Variants in TTC7A observed in about 807,000 individuals in gnomAD.
TTC7A encodes tetratricopeptide repeat protein 7A.
In TTC7A, 110 loss-of-function variants were observed where a neutral mutation model predicts 103.7. The ratio of observed to expected loss-of-function variants is 1.06; its 90% CI spans 0.91 to 1.24. The LOEUF is 1.24. TTC7A is among the 50% of genes most tolerant of loss of function. TTC7A has a pLI of 0.00. For synonymous variants in TTC7A, 521 were observed against 467.9 expected (o/e 1.11, Z -1.47); for missense variants, 1,340 against 1,116.3 (o/e 1.20, Z -2.86).
chr2:46,993,390 G>A (rs1204271241), intron 5 of TTC7A, 60 bp from the exon 6 acceptor site: 23 of 1,538,864 alleles, frequency 1.5e-5, no homozygotes, highest in Non-Finnish European at 2.1e-5. Flanking sequence ...GGTGTGCTGA[G>A]AGCATCCTTC....
chr2:47,073,048 C>T (rs1684904449), intron 19 of TTC7A, among the ~76,000 whole-genome samples: 2 of 152,240 alleles, frequency 1.3e-5, no homozygotes, highest in South Asian at 2.1e-4. Flanking sequence ...CAATCCAGCC[C>T]GTTCACCCAG....
chr2:47,067,245 A>G (rs1413958252), intron 19 of TTC7A, among the ~76,000 whole-genome samples: 1 of 152,282 alleles, frequency 6.6e-6, no homozygotes, highest in Non-Finnish European at 1.5e-5. Context: ...ATGATAATCT[A>G]GACTCTCTTG....
At chr2:47,069,703 C>T (rs1684497432) in intron 19 of TTC7A, among the ~76,000 whole-genome samples, 1 of 152,202 alleles carries the variant, frequency 6.6e-6, no homozygotes. Flanking sequence ...GAGGCTGACA[C>T]ACCTGAGAGA....
chr2:46,950,294 A>T, intron 1 of TTC7A, 69 bp from the exon 2 acceptor site: 12 of 1,569,282 alleles, frequency 7.6e-6, no homozygotes, highest in Admixed American at 1.7e-5. Context: ...TGGGTCCAGG[A>T]GTGTGCAACT....
chr2:46,957,872 C>A (rs539327169), intron 3 of TTC7A, among the ~76,000 whole-genome samples: 4 of 152,296 alleles, frequency 2.6e-5, no homozygotes, highest in East Asian at 3.9e-4. Flanking sequence ...AGAAAAGATG[C>A]CTGTGGCTCA....
intron 1 of TTC7A, among the ~76,000 whole-genome samples, chr2:46,946,082 G>A (rs921585682): frequency 3.3e-5 from 5 of 152,186 alleles, no homozygotes; most frequent in African/African-American, 1.2e-4. Context: ...GGCCGGGAGG[G>A]GATGTGAGCT....
chr2:46,950,607 T>G, intron 2 of TTC7A, 81 bp downstream of exon 2: 1 of 1,464,112 alleles, frequency 6.8e-7, no homozygotes, highest in Non-Finnish European at 9.2e-7. Flanking sequence ...CCTGAGTCAT[T>G]TGGTCACCTG....
At position 47,012,904 on chromosome 2, in the gene TTC7A, T is replaced by C. The variant is rs559302147; in HGVS notation, c.1392+1469T>C. Among the ~76,000 whole-genome samples the C allele has an allele frequency of 6.6e-5, 10 of 152,320 alleles. No homozygotes were observed. In the South Asian group the frequency reaches 1.9e-3, roughly 28 times the overall value. On this transcript the variant is annotated intron_variant, in intron 11 of 19. Coordinates refer to ENST00000319190, the MANE Select transcript of TTC7A (RefSeq NM_020458.4). Reference sequence around the variant, plus strand: ...GGGAAAGTGTGGCATCTGGCTCGTGTTCTTTATGCTGTCATTTAGGCTGGG... The same window carrying C: ...GGGAAAGTGTGGCATCTGGCTCGTGCTCTTTATGCTGTCATTTAGGCTGGG...
intron 19 of TTC7A, among the ~76,000 whole-genome samples, chr2:47,062,151 C>T (rs1683837698): frequency 6.6e-6 from 1 of 152,220 alleles, no homozygotes; most frequent in African/African-American, 2.4e-5. Flanking sequence ...TAACTCCTAG[C>T]ATAGTCTAGG....
chr2:47,068,602 C>T (rs1415923654), intron 19 of TTC7A: 1 of 152,016 alleles, frequency 6.6e-6, no homozygotes, highest in Non-Finnish European at 1.5e-5. Context: ...TCTGCAGGCC[C>T]ATGGTGTGGG....
intron 5 of TTC7A, among the ~76,000 whole-genome samples, chr2:46,984,586 C>T (rs987285245): frequency 6.6e-6 from 1 of 152,216 alleles, no homozygotes; most frequent in Non-Finnish European, 1.5e-5. Context: ...CTCCCCTTCC[C>T]CACAACTGAA....
At chr2:46,994,099 G>A in intron 6 of TTC7A, 1 of 468,956 alleles carries the variant, frequency 2.1e-6, no homozygotes, top group Non-Finnish European at 3.8e-6. Context: ...GGGAGGAAAT[G>A]CTCCTCTTGT....
intron 5 of TTC7A, among the ~76,000 whole-genome samples, chr2:46,990,330 G>C (rs1045438669): frequency 6.6e-6 from 1 of 152,216 alleles, no homozygotes; most frequent in Non-Finnish European, 1.5e-5. Flanking sequence ...CTGAGACAGA[G>C]GCCTCAGTGG....
chr2:47,060,711 T>A, intron 18 of TTC7A, 58 bp from the exon 19 acceptor site: 1 of 1,509,432 alleles, frequency 6.6e-7, no homozygotes. Context: ...AGGGAGGGGG[T>A]CAGGATGCCT....
chr2:47,063,755 A>G (rs2436768), intron 19 of TTC7A, among the ~76,000 whole-genome samples: 108,870 of 152,218 alleles, frequency 0.72, 40,827 homozygotes, highest in East Asian at 0.94. Context: ...CCCTGAGGGC[A>G]CAGCCACCCA....
intron 4 of TTC7A, among the ~76,000 whole-genome samples, chr2:46,977,509 A>C (rs926537359): frequency 3.3e-5 from 5 of 152,146 alleles, no homozygotes; most frequent in African/African-American, 1.2e-4. Context: ...TTAATGAGGT[A>C]ATTGTTCCTC....
chr2:47,059,143 C>A (rs1230709776), intron 18 of TTC7A, among the ~76,000 whole-genome samples: 3 of 150,630 alleles, frequency 2.0e-5, no homozygotes, highest in Non-Finnish European at 4.4e-5. Context: ...GCCTCAGCCT[C>A]CCAAGTACCT....
intron 11 of TTC7A, among the ~76,000 whole-genome samples, chr2:47,014,784 G>A (rs551257922): frequency 4.1e-4 from 62 of 152,386 alleles, no homozygotes; most frequent in African/African-American, 1.5e-3. Context: ...CTGGGTTGCA[G>A]AAAGGGAGGC....
intron 3 of TTC7A, among the ~76,000 whole-genome samples, chr2:46,968,832 G>A (rs1373774284): frequency 6.6e-6 from 1 of 152,054 alleles, no homozygotes; most frequent in Non-Finnish European, 1.5e-5. Flanking sequence ...CATGTGACCA[G>A]TACCCTAATA....
Sources: gnomAD v4.1 joint callset for allele counts (sites outside exome capture counted in the v4.1 genomes callset) on GRCh38, gnomAD v4.1.1 for gene constraint, MANE v1.5 for transcripts, NCBI Gene and HGNC (gene_info 2026-07-23, HGNC 2026-07-21) for gene names.